The following DBT variants were observed in gnomAD, a reference collection of about 807,000 sequenced individuals.
DBT encodes the protein dihydrolipoamide branched chain transacylase E2, also known as lipoamide acyltransferase component of branched-chain alpha-keto acid dehydrogenase complex, mitochondrial.
Under a neutral mutation model 51.3 loss-of-function variants are expected in DBT, and 40 were observed. The ratio of observed to expected loss-of-function variants is 0.78; its 90% CI spans 0.61 to 1.02. The LOEUF (loss-of-function observed/expected upper bound fraction) is 1.02. Among genes scored for constraint, DBT ranks in the 50% least tolerant of loss-of-function variants. The pLI, the probability that DBT is intolerant of heterozygous loss-of-function variation, is 0.00. For missense variants in DBT, 510 were observed against 580.2 expected, an observed-to-expected ratio of 0.88 and a Z score of 1.24; for synonymous variants, 181 against 190.4, an observed-to-expected ratio of 0.95 and a Z score of 0.41.
chr1:100,210,839 T>C, intron 7 of DBT, 68 bp from the exon 8 acceptor site: 2 of 1,595,244 alleles, frequency 1.3e-6, no homozygotes, highest in Non-Finnish European at 1.7e-6. Flanking sequence ...TTTGAAACAA[T>C]AAGAGGTATA....
chr1:100,245,006 G>A (rs1664460161), intron 1 of DBT, among the ~76,000 whole-genome samples: 1 of 152,074 alleles, frequency 6.6e-6, no homozygotes, highest in South Asian at 2.1e-4. Context: ...GAATGGCTCT[G>A]AGGAGAAGGC....
rs1662635059 is a variant in DBT, at chr1:100,218,644, A to G, written c.537T>C (p.Arg179=). 6.2e-7 allele frequency: 1 copy of G among 1,614,078 alleles called. No individual in the cohort carries two copies. Among genetic ancestry groups the G allele is most frequent in the Admixed American group, 1.7e-5 (1 of 60,018 alleles). ...RKTLATPAVR[R]LAMENNIKLS... ...AACTTACATTGTTTTCCATTGCCAG[A>G]CGGCGAACTGCAGGAGTTGCCAGTG... Residue 179 remains arginine, a synonymous_variant, in exon 5 of 11, where the codon CGT becomes CGC. Transcript: ENST00000370132.
At chr1:100,242,084 AATTT>A (rs1664258270) in intron 1 of DBT, among the ~76,000 whole-genome samples, 1 of 152,174 alleles carries the variant, frequency 6.6e-6, no homozygotes, top group Non-Finnish European at 1.5e-5. Flanking sequence ...TAAACTACAG[AATTT>A]ATTTACTTAT....
Position 100,218,896 on chromosome 1 carries a change from T to G in DBT, c.434-149A>C, listed in dbSNP as rs1376299643. The G allele has an allele frequency of 9.0e-6, 5 of 552,660 alleles. No homozygotes were observed. In the South Asian group the frequency reaches 9.9e-5, roughly 11 times the overall value. The allele number at this position is 552,660 out of a possible 1,614,324, so 34.2% of individuals were successfully genotyped here. On this transcript the variant is annotated intron_variant, in intron 4 of 10. Coordinates refer to ENST00000370132, the MANE Select transcript of DBT (RefSeq NM_001918.5). ...GTATAAAAGTTGAACTACTTCAGAA[T>G]AGGAAAACACAACTATCCTAATGGT...
At position 100,190,517 on chromosome 1, in the gene DBT, A is replaced by T. The variant is rs1488868604; in HGVS notation, c.*5738T>A. The T allele has an allele frequency of 6.6e-6, 1 of 152,228 alleles. No individual in the cohort carries two copies. Among genetic ancestry groups the T allele is most frequent in the Non-Finnish European group, 1.5e-5 (1 of 68,052 alleles). The allele number at this position is 152,228 out of a possible 1,614,324, so 9.4% of individuals were successfully genotyped here. ...GATCAGTCTCTAATACCTCCTCCAT[A>T]AGGAAATGGAAATAAATTTTAATCA... On this transcript the variant is annotated 3_prime_UTR_variant, in exon 11 of 11. Transcript: ENST00000370132.
chr1:100,200,879 G>A (rs4908044), intron 10 of DBT, among the ~76,000 whole-genome samples: 67,682 of 152,000 alleles, frequency 0.45, 15,576 homozygotes, highest in East Asian at 0.69. Context: ...CAAAAAGGAC[G>A]ACCATGCAAA....
intron 10 of DBT, among the ~76,000 whole-genome samples, chr1:100,202,843 GA>G (rs1661538431): frequency 6.6e-6 from 1 of 152,262 alleles, no homozygotes; most frequent in East Asian, 1.9e-4. Flanking sequence ...GGTAAATAAT[GA>G]AATGAAGGCA....
Position 100,196,163 on chromosome 1 carries a change from A to C in DBT, c.*92T>G. 1 of 1,084,208 alleles carries C rather than the reference A, an allele frequency of 9.2e-7. No individual in the cohort carries two copies. Among genetic ancestry groups the C allele is most frequent in the South Asian group, 1.3e-5 (1 of 78,622 alleles). The allele number at this position is 1,084,208 out of a possible 1,614,324, so 67.2% of individuals were successfully genotyped here. A position where few individuals can be genotyped will look rare whatever the true frequency, so the allele number is the denominator to read the frequency against. On this transcript the variant is annotated 3_prime_UTR_variant, in exon 11 of 11. Coordinates refer to ENST00000370132, the MANE Select transcript of DBT (RefSeq NM_001918.5). Reference sequence around the variant, plus strand: ...TAATCATACGATACAAATCATTTACAATATAAATTGTAAAGATGAACATGT... The same window carrying C: ...TAATCATACGATACAAATCATTTACCATATAAATTGTAAAGATGAACATGT...
intron 8 of DBT, among the ~76,000 whole-genome samples, chr1:100,208,802 G>A (rs1194934726): frequency 6.7e-6 from 1 of 148,808 alleles, no homozygotes; most frequent in Non-Finnish European, 1.5e-5. Flanking sequence ...CAGCTACTCA[G>A]AAGGCTGCGG....
chr1:100,199,069 C>T (rs1661274851), intron 10 of DBT, among the ~76,000 whole-genome samples: 1 of 152,166 alleles, frequency 6.6e-6, no homozygotes, highest in South Asian at 2.1e-4. Flanking sequence ...ACCCAAGTCC[C>T]ATCCCCCAAA....
At chr1:100,225,064 C>T (rs201557975) in intron 4 of DBT, among the ~76,000 whole-genome samples, 72,808 of 93,218 alleles carry the variant, frequency 0.78, 30,528 homozygotes, top group East Asian at 0.92. Flanking sequence ...CACACACACA[C>T]ACACACACAC....
At chr1:100,242,237 G>A (rs367682021) in intron 1 of DBT, among the ~76,000 whole-genome samples, 10 of 151,742 alleles carry the variant, frequency 6.6e-5, no homozygotes, top group African/African-American at 1.7e-4. Context: ...CATTAGTGGT[G>A]ATTAGCTCTT....
intron 10 of DBT, chr1:100,196,717 A>G (rs1198418266): frequency 7.4e-6 from 3 of 407,632 alleles, no homozygotes; most frequent in African/African-American, 6.1e-5. Context: ...TTTAATAATT[A>G]TTTACTGTAT....
At chr1:100,204,463 C>T (rs761247354) in intron 10 of DBT, among the ~76,000 whole-genome samples, 30 of 152,138 alleles carry the variant, frequency 2.0e-4, no homozygotes, top group Admixed American at 1.6e-3. Context: ...GGGACACAAA[C>T]AAATGGAAAA....
intron 2 of DBT, among the ~76,000 whole-genome samples, chr1:100,237,852 G>A (rs147082702): frequency 6.6e-6 from 1 of 152,108 alleles, no homozygotes; most frequent in Non-Finnish European, 1.5e-5. Flanking sequence ...TGTGGCCCAG[G>A]CTGGTCTTGA....
intron 4 of DBT, among the ~76,000 whole-genome samples, chr1:100,220,188 A>C (rs1305143080): frequency 2.0e-5 from 3 of 152,084 alleles, no homozygotes; most frequent in Non-Finnish European, 4.4e-5. Flanking sequence ...GGCTAATGCT[A>C]ATTTGGTTGT....
chr1:100,220,532 A>G (rs1371907944), intron 4 of DBT, among the ~76,000 whole-genome samples: 1 of 152,220 alleles, frequency 6.6e-6, no homozygotes, highest in African/African-American at 2.4e-5. Flanking sequence ...TGGAGCTACA[A>G]AGAAATTCTC....
chr1:100,210,834 A>G, intron 7 of DBT, 63 bp from the exon 8 acceptor site: 1 of 1,600,654 alleles, frequency 6.2e-7, no homozygotes, highest in Non-Finnish European at 8.6e-7. Context: ...GAGAATTTGA[A>G]ACAATAAGAG....
Position 100,190,761 on chromosome 1 carries a change from G to T in DBT, c.*5494C>A, listed in dbSNP as rs1032230706. The T allele has an allele frequency of 6.6e-6, 1 of 152,196 alleles. No homozygotes were observed. The highest frequency in any genetic ancestry group is 2.4e-5 in the African/African-American group (1 of 41,436). The allele number at this position is 152,196 out of a possible 1,614,324, so 9.4% of individuals were successfully genotyped here. A position where few individuals can be genotyped will look rare whatever the true frequency, so the allele number is the denominator to read the frequency against. On this transcript the variant is annotated 3_prime_UTR_variant, in exon 11 of 11. Transcript: ENST00000370132. ...AGAATAGAAATTTTGAGGTGAAAAG[G>T]AGAGAAATTCAAGGTTCTTAGATTG...
Sources: gnomAD v4.1 joint callset for allele counts (sites outside exome capture counted in the v4.1 genomes callset) on GRCh38, gnomAD v4.1.1 for gene constraint, MANE v1.5 for transcripts, NCBI Gene and HGNC (gene_info 2026-07-23, HGNC 2026-07-21) for gene names.